ADAMTS3: variants seen among roughly 807,000 people sequenced by gnomAD.
The protein encoded by ADAMTS3 is A disintegrin and metalloproteinase with thrombospondin motifs 3.
In ADAMTS3, 73 loss-of-function variants were observed where a neutral mutation model predicts 129.0. That is an observed-to-expected ratio of 0.57 (90% confidence interval 0.47 to 0.69). The LOEUF (loss-of-function observed/expected upper bound fraction) is 0.69, where lower values mean the gene tolerates loss of function less well. ADAMTS3 is among the 30% of genes least tolerant of loss of function. The pLI is 0.00. For missense variants in ADAMTS3, 1,457 were observed against 1,514.5 expected, an observed-to-expected ratio of 0.96 and a Z score of 0.63; for synonymous variants, 477 against 510.8, an observed-to-expected ratio of 0.93 and a Z score of 0.89.
intron 15 of ADAMTS3, among the ~76,000 whole-genome samples, chr4:72,306,886 C>T (rs1398798708): frequency 2.0e-5 from 3 of 151,746 alleles, no homozygotes; most frequent in African/African-American, 7.3e-5. Flanking sequence ...TATCACATGT[C>T]CTAAAAATTA....
chr4:72,310,026 A>G (rs932947567), intron 14 of ADAMTS3, among the ~76,000 whole-genome samples: 1 of 152,094 alleles, frequency 6.6e-6, no homozygotes, highest in Non-Finnish European at 1.5e-5. Context: ...ATGAGTTACA[A>G]CAAAGCCAGA....
intron 4 of ADAMTS3, among the ~76,000 whole-genome samples, chr4:72,347,699 A>G (rs867740462): frequency 6.6e-6 from 1 of 151,848 alleles, no homozygotes; most frequent in African/African-American, 2.4e-5. Context: ...TAAATTATAT[A>G]TTTTCTTATT....
chr4:72,298,269 A>ATG lies in ADAMTS3; in HGVS notation c.2590+6_2590+7dup. 2 of 1,610,572 alleles carry ATG rather than the reference A, an allele frequency of 1.2e-6. No homozygotes were observed. Among genetic ancestry groups the ATG allele is most frequent in the Non-Finnish European group, 1.7e-6 (2 of 1,177,980 alleles). ...CATTTTAATATAATAAATGTGTTCA[A>ATG]TGGTTACCTCCACCACAGGGTTTGG... On this transcript the variant is annotated splice_region_variant and intron_variant, in intron 18 of 21. Coordinates refer to ENST00000286657, the MANE Select transcript of ADAMTS3 (RefSeq NM_014243.3).
At chr4:72,546,689 C>T (rs1359494655) in intron 3 of ADAMTS3, among the ~76,000 whole-genome samples, 1 of 151,974 alleles carries the variant, frequency 6.6e-6, no homozygotes, top group Admixed American at 6.6e-5. Context: ...GCCTACTAAC[C>T]AAAAAAACCT....
chr4:72,465,061 A>G (rs1474927779), intron 3 of ADAMTS3, among the ~76,000 whole-genome samples: 4 of 152,034 alleles, frequency 2.6e-5, no homozygotes, highest in Non-Finnish European at 5.9e-5. Flanking sequence ...TTCAGGAGAG[A>G]GAATATTAAT....
At chr4:72,337,067 T>C (rs1277146918) in intron 5 of ADAMTS3, among the ~76,000 whole-genome samples, 2 of 152,190 alleles carry the variant, frequency 1.3e-5, no homozygotes, top group Non-Finnish European at 2.9e-5. Flanking sequence ...GTGATTTCCA[T>C]GTCTATCTTT....
chr4:72,396,289 A>T (rs963554885), intron 4 of ADAMTS3, among the ~76,000 whole-genome samples: 1 of 152,170 alleles, frequency 6.6e-6, no homozygotes, highest in African/African-American at 2.4e-5. Flanking sequence ...CTCATCAAAG[A>T]TTTTATTTAT....
At chr4:72,290,424 T>C (rs531883211) in intron 20 of ADAMTS3, among the ~76,000 whole-genome samples, 1 of 152,180 alleles carries the variant, frequency 6.6e-6, no homozygotes, top group South Asian at 2.1e-4. Flanking sequence ...ACAAGTCAGC[T>C]GAAAGGTAGG....
chr4:72,548,624 T>C lies in ADAMTS3; in HGVS notation c.358A>G (p.Ile120Val). ...TGATGGTTGTTAATGGGATCGGTTATATTCCCAGGCACCAGAGATGTCTCA... is the reference window on the plus strand; with the variant it reads ...TGATGGTTGTTAATGGGATCGGTTACATTCCCAGGCACCAGAGATGTCTCA... ...WHETSLVPGN[I>V]TDPINNHQPG... The change falls in exon 3 of 22, where the codon ATA becomes GTA. Residue 120 changes from isoleucine to valine, a missense_variant. Transcript: ENST00000286657. 6.2e-7 allele frequency: 1 copy of C among 1,614,046 alleles called. No individual in the cohort carries two copies. Among genetic ancestry groups the C allele is most frequent in the East Asian group, 2.2e-5 (1 of 44,878 alleles).
rs551833231 is a variant in ADAMTS3, at chr4:72,524,425, AAACT to A, written c.504+24049_504+24052del. Reference sequence around the variant, plus strand: ...ACAGTGCTATATAAGTATATATAACAAACTGAGTACAGCTAAAAATAATAATAAT... The same window carrying A: ...ACAGTGCTATATAAGTATATATAACAGAGTACAGCTAAAAATAATAATAAT... On this transcript the variant is annotated intron_variant, in intron 3 of 21. Coordinates refer to ENST00000286657, the MANE Select transcript of ADAMTS3 (RefSeq NM_014243.3). Among the ~76,000 whole-genome samples, 986 of 152,302 alleles carry A rather than the reference AAACT, an allele frequency of 6.5e-3. 18 individuals are homozygous for A. Among genetic ancestry groups the A allele is most frequent in the African/African-American group, 0.022 (929 of 41,576 alleles).
chr4:72,286,958 T>C (rs1348772953), intron 21 of ADAMTS3, among the ~76,000 whole-genome samples: 2 of 151,484 alleles, frequency 1.3e-5, no homozygotes, highest in African/African-American at 4.9e-5. Flanking sequence ...AAAAAGAGGC[T>C]GGAAGGAGAG....
chr4:72,497,868 T>C (rs1422713498), intron 3 of ADAMTS3, among the ~76,000 whole-genome samples: 1 of 152,078 alleles, frequency 6.6e-6, no homozygotes, highest in Non-Finnish European at 1.5e-5. Flanking sequence ...TGAATTCACA[T>C]CGCTAAAGAT....
intron 3 of ADAMTS3, among the ~76,000 whole-genome samples, chr4:72,525,063 A>AT (rs1430408389): frequency 1.3e-5 from 2 of 152,204 alleles, no homozygotes; most frequent in Non-Finnish European, 2.9e-5. Flanking sequence ...CTATAAAGCT[A>AT]TAAGTATGAT....
chr4:72,341,902 C>G (rs1334542128), intron 4 of ADAMTS3, among the ~76,000 whole-genome samples: 2 of 152,108 alleles, frequency 1.3e-5, no homozygotes, highest in Admixed American at 6.6e-5. Context: ...TCCATGTTTC[C>G]TAAAATGCAC....
chr4:72,455,951 TATATATACTATATATATTTTACATATA>T (rs1291125664), intron 3 of ADAMTS3, among the ~76,000 whole-genome samples: 3 of 85,842 alleles, frequency 3.5e-5, no homozygotes, highest in African/African-American at 1.4e-4. Context: ...ATATATACAG[TATATATACTATATATATTTTACATATA>T]GTATATATAC....
At chr4:72,548,272 C>T (rs1348438830) in intron 3 of ADAMTS3, among the ~76,000 whole-genome samples, 2 of 151,972 alleles carry the variant, frequency 1.3e-5, no homozygotes, top group Admixed American at 6.6e-5. Context: ...ATGTCGTCTT[C>T]GCATTATTCC....
chr4:72,483,107 C>T (rs898381238), intron 3 of ADAMTS3, among the ~76,000 whole-genome samples: 1 of 152,056 alleles, frequency 6.6e-6, no homozygotes, highest in Non-Finnish European at 1.5e-5. Flanking sequence ...GAGATTTCTA[C>T]TCTCATCTTT....
chr4:72,455,748 T>C (rs1363996189), intron 3 of ADAMTS3, among the ~76,000 whole-genome samples: 1 of 144,956 alleles, frequency 6.9e-6, no homozygotes, highest in Non-Finnish European at 1.5e-5. Flanking sequence ...TACAATTTTT[T>C]TCTCAGACTA....
chr4:72,374,289 CTTT>C (rs1299210763), intron 4 of ADAMTS3, among the ~76,000 whole-genome samples: 1 of 140,702 alleles, frequency 7.1e-6, no homozygotes, highest in African/African-American at 2.6e-5. Flanking sequence ...GGAGTAACTC[CTTT>C]TTTTTTTTTT....
Sources: allele counts gnomAD v4.1 joint callset (sites outside exome capture counted in the v4.1 genomes callset), GRCh38; gene constraint gnomAD v4.1.1; transcripts MANE v1.5; gene names NCBI Gene and HGNC (gene_info 2026-07-23, HGNC 2026-07-21).